The following MARCHF1 variants were observed in gnomAD, a reference collection of about 807,000 sequenced individuals.
MARCHF1 encodes E3 ubiquitin-protein ligase MARCHF1.
Under a neutral mutation model 54.2 loss-of-function variants are expected in MARCHF1, and 40 were observed. The ratio of observed to expected loss-of-function variants is 0.74; its 90% CI spans 0.57 to 0.96. The LOEUF (loss-of-function observed/expected upper bound fraction) is 0.96, where lower values mean the gene tolerates loss of function less well. Among genes scored for constraint, MARCHF1 ranks in the 40% least tolerant of loss-of-function variants. The pLI is 0.00. For missense variants in MARCHF1, 586 were observed against 656.5 expected (o/e 0.89, Z 1.17); for synonymous variants, 236 against 236.3 (o/e 1.00, Z 0.01).
At chr4:164,115,591 C>T (rs552130220) in intron 1 of MARCHF1, among the ~76,000 whole-genome samples, 1 of 151,874 alleles carries the variant, frequency 6.6e-6, no homozygotes, top group Non-Finnish European at 1.5e-5. Flanking sequence ...AAACTATATA[C>T]AAAACTGAAG....
At chr4:164,197,333 A>C (rs750873061) in intron 1 of MARCHF1, 14 of 1,612,284 alleles carry the variant, frequency 8.7e-6, no homozygotes, top group Non-Finnish European at 2.5e-6. Context: ...TTTTCTCCGT[A>C]GTCGTTCAGG....
chr4:163,527,520 T>C lies in MARCHF1; in HGVS notation c.*1228A>G, dbSNP rs1579028186. Reference sequence around the variant, plus strand: ...TTTCACAACTCTGCTATAGGCAGATTGATTGTTTTATCTTTCTATACTTTT... The same window carrying C: ...TTTCACAACTCTGCTATAGGCAGATCGATTGTTTTATCTTTCTATACTTTT... On this transcript the variant is annotated 3_prime_UTR_variant, in exon 10 of 10. Coordinates refer to ENST00000514618, the MANE Select transcript of MARCHF1 (RefSeq NM_001394959.1). The C allele has an allele frequency of 1.9e-5, 1 of 53,390 alleles. No homozygotes were observed. 3.3% of individuals were successfully genotyped at this position (53,390 alleles called of 1,614,324 possible). A position where few individuals can be genotyped will look rare whatever the true frequency, so the allele number is the denominator to read the frequency against.
At chr4:163,595,375 AGT>A (rs1740732039) in intron 7 of MARCHF1, among the ~76,000 whole-genome samples, 1 of 151,276 alleles carries the variant, frequency 6.6e-6, no homozygotes, top group African/African-American at 2.4e-5. Context: ...AAATTAGCGG[AGT>A]GTGGTGTCAT....
At chr4:163,713,421 T>A (rs1199791447) in intron 4 of MARCHF1, among the ~76,000 whole-genome samples, 2 of 152,208 alleles carry the variant, frequency 1.3e-5, no homozygotes, top group African/African-American at 4.8e-5. Flanking sequence ...TATTCACTCA[T>A]GACTTCTGTT....
At chr4:163,744,190 G>A (rs962225350) in intron 4 of MARCHF1, among the ~76,000 whole-genome samples, 2 of 152,138 alleles carry the variant, frequency 1.3e-5, no homozygotes, top group Non-Finnish European at 2.9e-5. Context: ...CCAAGACAAG[G>A]TTTCCAAGGA....
chr4:164,316,325 A>G (rs1734996766), intron 1 of MARCHF1, among the ~76,000 whole-genome samples: 1 of 152,172 alleles, frequency 6.6e-6, no homozygotes, highest in South Asian at 2.1e-4. Flanking sequence ...TCATACTAGC[A>G]ACTACTTTTT....
At chr4:164,234,683 A>C (rs1015572593) in intron 1 of MARCHF1, 9 of 152,134 alleles carry the variant, frequency 5.9e-5, no homozygotes, top group African/African-American at 2.2e-4. Context: ...AATTTGCCTT[A>C]ATCTCTTAAA....
intron 3 of MARCHF1, among the ~76,000 whole-genome samples, chr4:163,865,750 A>G (rs1294740942): frequency 6.6e-6 from 1 of 151,730 alleles, no homozygotes; most frequent in African/African-American, 2.4e-5. Flanking sequence ...ATTATTTAAT[A>G]TAATATAAAA....
chr4:163,690,625 C>T (rs572638524), intron 5 of MARCHF1, among the ~76,000 whole-genome samples: 1 of 152,210 alleles, frequency 6.6e-6, no homozygotes, highest in Non-Finnish European at 1.5e-5. Context: ...CTGAAAGAAA[C>T]CAGCAAATAA....
intron 1 of MARCHF1, among the ~76,000 whole-genome samples, chr4:164,300,298 C>T (rs899300513): frequency 1.3e-5 from 2 of 152,034 alleles, no homozygotes; most frequent in African/African-American, 4.8e-5. Flanking sequence ...CTGACTAGAG[C>T]CGATTGGTAT....
rs551396483 is a variant in MARCHF1 at position 163,703,550 on chromosome 4, A to T, written c.112-2687T>A. Among the ~76,000 whole-genome samples, 122 of 152,246 alleles carry T rather than the reference A, an allele frequency of 8.0e-4. 1 individual carries two copies. The Middle Eastern group carries it at 0.014, about 17-fold the overall frequency. The stretch of plus-strand genomic sequence containing the variant: ...TTAACTACTTTACCTTAGATTAAAA[A>T]TAAGCTGTCTCAGAATCTCAGAATC... On this transcript the variant is annotated intron_variant, in intron 4 of 9. Coordinates refer to ENST00000514618, the MANE Select transcript of MARCHF1 (RefSeq NM_001394959.1).
At chr4:163,872,927 C>T (rs1006303585) in intron 3 of MARCHF1, among the ~76,000 whole-genome samples, 30 of 152,050 alleles carry the variant, frequency 2.0e-4, no homozygotes, top group Non-Finnish European at 4.1e-4. Context: ...GCCTGTAGTC[C>T]CAGCTACTCG....
chr4:163,532,719 G>T (rs759782059), intron 9 of MARCHF1, among the ~76,000 whole-genome samples: 1 of 151,934 alleles, frequency 6.6e-6, no homozygotes, highest in African/African-American at 2.4e-5. Flanking sequence ...ATGAGCAAAA[G>T]ATTTGAACAG....
At chr4:163,675,037 A>C (rs1743866951) in intron 5 of MARCHF1, among the ~76,000 whole-genome samples, 1 of 152,202 alleles carries the variant, frequency 6.6e-6, no homozygotes, top group Admixed American at 6.5e-5. Context: ...AGACTCCTCA[A>C]GTCAGAAGAG....
intron 1 of MARCHF1, among the ~76,000 whole-genome samples, chr4:164,138,449 C>T (rs758000891): frequency 5.3e-5 from 8 of 152,032 alleles, no homozygotes; most frequent in Non-Finnish European, 1.0e-4. Flanking sequence ...CTAGGCCTGA[C>T]CTTGGAGTTT....
intron 4 of MARCHF1, among the ~76,000 whole-genome samples, chr4:163,716,350 T>C (rs1363874175): frequency 6.6e-6 from 1 of 152,194 alleles, no homozygotes; most frequent in Non-Finnish European, 1.5e-5. Flanking sequence ...ACCTTGCAAA[T>C]TGCCTCCTGA....
intron 5 of MARCHF1, among the ~76,000 whole-genome samples, chr4:163,637,079 TTA>T (rs1742358976): frequency 6.6e-6 from 1 of 151,082 alleles, no homozygotes; most frequent in Admixed American, 6.6e-5. Flanking sequence ...TCCTTACACC[TTA>T]TACAAAAATC....
chr4:163,958,092 T>G (rs747863993), intron 3 of MARCHF1, among the ~76,000 whole-genome samples: 7 of 152,084 alleles, frequency 4.6e-5, no homozygotes, highest in Non-Finnish European at 1.5e-5. Flanking sequence ...TCAGCCATTC[T>G]TGCTAGAACA....
At chr4:164,220,224 A>G (rs912493661) in intron 1 of MARCHF1, among the ~76,000 whole-genome samples, 1 of 149,782 alleles carries the variant, frequency 6.7e-6, no homozygotes, top group Non-Finnish European at 1.5e-5. Flanking sequence ...ATATATATAT[A>G]CACACATACA....
Sources: gnomAD v4.1 joint callset for allele counts (sites outside exome capture counted in the v4.1 genomes callset) on GRCh38, gnomAD v4.1.1 for gene constraint, MANE v1.5 for transcripts, NCBI Gene and HGNC (gene_info 2026-07-23, HGNC 2026-07-21) for gene names.